ANKRD11: variants seen among roughly 807,000 people sequenced by gnomAD.
ANKRD11 encodes the protein ankyrin repeat domain-containing protein 11.
In ANKRD11, 17 loss-of-function variants were observed where a neutral mutation model predicts 195.7. The observed-to-expected ratio is 0.09, with a 90% CI of 0.06 to 0.13. ANKRD11 has a LOEUF of 0.13. Among genes scored for constraint, ANKRD11 ranks in the 10% least tolerant of loss-of-function variants. The pLI, the probability that ANKRD11 is intolerant of heterozygous loss-of-function variation, is 1.00. For synonymous variants in ANKRD11, 1,953 were observed against 1,528.1 expected (o/e 1.28, Z -6.49); for missense variants, 3,735 against 3,566.1 (o/e 1.05, Z -1.21).
At chr16:89,300,956 G>A (rs373723767) in intron 4 of ANKRD11, 5 of 680,804 alleles carry the variant, frequency 7.3e-6, no homozygotes, top group East Asian at 2.8e-5. Flanking sequence ...GCAGGACCCC[G>A]GCGGTCCTAG....
At chr16:89,352,072 T>C (rs1331891011) in intron 2 of ANKRD11, among the ~76,000 whole-genome samples, 1 of 152,102 alleles carries the variant, frequency 6.6e-6, no homozygotes, top group Non-Finnish European at 1.5e-5. Flanking sequence ...GTAATTTGTG[T>C]AGAGGCGGGG....
At chr16:89,441,914 C>A (rs2043523565) in intron 1 of ANKRD11, among the ~76,000 whole-genome samples, 1 of 152,142 alleles carries the variant, frequency 6.6e-6, no homozygotes, top group Non-Finnish European at 1.5e-5. Context: ...AAGGCACCTT[C>A]CCCCATCATC....
chr16:89,285,977 C>G lies in ANKRD11; in HGVS notation c.892+62G>C. On this transcript the variant is annotated intron_variant, in intron 8 of 12. Transcript: ENST00000301030. The surrounding 1 kb of genome is among the most constrained non-coding windows in gnomAD (Gnocchi z 5.6). ...CAGAGGGGCAACACTGTGCAAACACCACAGGGCAGCTCCTACCATCCCTGC... is the reference window on the plus strand; with the variant it reads ...CAGAGGGGCAACACTGTGCAAACACGACAGGGCAGCTCCTACCATCCCTGC... The G allele has an allele frequency of 6.2e-7, 1 of 1,611,198 alleles. No homozygotes were observed. The highest frequency in any genetic ancestry group is 8.5e-7 in the Non-Finnish European group (1 of 1,178,410).
chr16:89,413,587 T>G (rs970604344), intron 2 of ANKRD11, among the ~76,000 whole-genome samples: 3 of 151,978 alleles, frequency 2.0e-5, no homozygotes, highest in African/African-American at 7.3e-5. Context: ...GTCGCACCAC[T>G]GCACTCCAGC....
intron 1 of ANKRD11, among the ~76,000 whole-genome samples, chr16:89,432,051 T>G (rs1567796904): frequency 6.6e-6 from 1 of 152,128 alleles, no homozygotes; most frequent in African/African-American, 2.4e-5. Context: ...GTCTCAGTAT[T>G]TCTTTACCTA....
intron 1 of ANKRD11, among the ~76,000 whole-genome samples, chr16:89,466,353 G>C (rs769337759): frequency 6.6e-6 from 1 of 152,306 alleles, no homozygotes; most frequent in Admixed American, 6.5e-5. Context: ...GGGGAAGGGG[G>C]ACAAGGACTG....
In ANKRD11 at chr16:89,417,464, C is replaced by T. The variant is rs185274639; in HGVS notation, c.-60+820G>A. Among the ~76,000 whole-genome samples, 92 of 152,282 alleles carry T rather than the reference C, an allele frequency of 6.0e-4. 1 individual carries two copies. Among genetic ancestry groups the T allele is most frequent in the African/African-American group, 2.0e-3 (83 of 41,556 alleles). On this transcript the variant is annotated intron_variant, in intron 2 of 12. Coordinates refer to ENST00000301030, the MANE Select transcript of ANKRD11 (RefSeq NM_013275.6). The stretch of plus-strand genomic sequence containing the variant: ...AAGGAGGGAGGACTCTGCCCTACAG[C>T]GACACGTGCTTGCTCAGAGCCAAGG...
intron 11 of ANKRD11, chr16:89,271,859 C>T (rs1290778287): frequency 1.3e-5 from 2 of 152,030 alleles, no homozygotes; most frequent in Non-Finnish European, 2.9e-5. Context: ...AGCAATACCC[C>T]GAAGCACAGG....
chr16:89,423,295 G>C (rs899785717), intron 1 of ANKRD11, among the ~76,000 whole-genome samples: 1 of 152,250 alleles, frequency 6.6e-6, no homozygotes, highest in Non-Finnish European at 1.5e-5. Context: ...GGGAGCCACT[G>C]ACGATGGGCA....
chr16:89,333,755 C>T (rs2151972507), intron 2 of ANKRD11, among the ~76,000 whole-genome samples: 1 of 152,226 alleles, frequency 6.6e-6, no homozygotes, highest in East Asian at 1.9e-4. Flanking sequence ...TGGCTGCTTC[C>T]AAGTTTTGGC....
rs79785519 is a variant in ANKRD11, at chr16:89,373,741, G to C, written c.-60+44543C>G. Among the ~76,000 whole-genome samples, 521 of 152,298 alleles carry C rather than the reference G, an allele frequency of 3.4e-3. 3 individuals are homozygous for C. Among genetic ancestry groups the C allele is most frequent in the African/African-American group, 0.012 (496 of 41,562 alleles). ...AACCCCACGCGGGAGGCATGCACACGACACCCCTCCCACACCTACCTGGGA... is the reference window on the plus strand; with the variant it reads ...AACCCCACGCGGGAGGCATGCACACCACACCCCTCCCACACCTACCTGGGA... On this transcript the variant is annotated intron_variant, in intron 2 of 12. Transcript: ENST00000301030.
intron 2 of ANKRD11, among the ~76,000 whole-genome samples, chr16:89,341,519 G>C (rs2038658447): frequency 6.6e-6 from 1 of 152,168 alleles, no homozygotes; most frequent in African/African-American, 2.4e-5. Flanking sequence ...CATATGTGCA[G>C]TGACACCAGC....
rs1446392360 is a variant in ANKRD11, at chr16:89,418,305, G to A, written c.-81C>T. On this transcript the variant is annotated 5_prime_UTR_variant, in exon 2 of 13. Transcript: ENST00000301030. ...TTACCGATTCCATAGCTGAAAGTCA[G>A]TGCTGACGAGGACTGTCTTTTAAAT... 2.2e-6 allele frequency: 1 copy of A among 454,074 alleles called. No individual in the cohort carries two copies. The highest frequency in any genetic ancestry group is 4.4e-6 in the Non-Finnish European group (1 of 226,728). 28.1% of individuals were successfully genotyped at this position (454,074 alleles called of 1,614,324 possible).
intron 1 of ANKRD11, among the ~76,000 whole-genome samples, chr16:89,452,130 C>T (rs1273657538): frequency 2.0e-5 from 3 of 152,052 alleles, no homozygotes; most frequent in Admixed American, 6.5e-5. Flanking sequence ...TGGTGGCACA[C>T]GCCTATAATC....
Position 89,440,902 on chromosome 16 carries a change from G to T in ANKRD11, c.-144-22534C>A, listed in dbSNP as rs537502810. On this transcript the variant is annotated intron_variant, in intron 1 of 12. Transcript: ENST00000301030. The stretch of plus-strand genomic sequence containing the variant: ...CCTGGTGTGGCTGGTGTGTGTCACA[G>T]TCAAAACGGAAAGAGAGAGCGCATC... 1.4e-4 allele frequency among the ~76,000 whole-genome samples: 22 copies of T among 152,342 alleles called. No homozygotes were observed. In the South Asian group the frequency reaches 4.6e-3, roughly 32 times the overall value.
At chr16:89,485,859 C>T (rs573329511) in intron 1 of ANKRD11, among the ~76,000 whole-genome samples, 22 of 152,154 alleles carry the variant, frequency 1.4e-4, no homozygotes, top group Non-Finnish European at 2.6e-4. Context: ...TCCGGACAAA[C>T]GAGACACTTA....
intron 12 of ANKRD11, 70 bp from the exon 13 acceptor site, chr16:89,268,733 G>A: frequency 6.6e-7 from 1 of 1,524,812 alleles, no homozygotes. Context: ...GCCGACCTCA[G>A]CTGCCAGCAG....
At chr16:89,373,923 G>C (rs1321101320) in intron 2 of ANKRD11, among the ~76,000 whole-genome samples, 1 of 152,224 alleles carries the variant, frequency 6.6e-6, no homozygotes, top group South Asian at 2.1e-4. Context: ...ACACGGGACA[G>C]GGTCATCAGG....
At chr16:89,444,303 T>A (rs952193974) in intron 1 of ANKRD11, among the ~76,000 whole-genome samples, 1 of 152,154 alleles carries the variant, frequency 6.6e-6, no homozygotes, top group Non-Finnish European at 1.5e-5. Flanking sequence ...AAGCCCACTC[T>A]AGCAATGCTT....
Sources: allele counts gnomAD v4.1 joint callset (sites outside exome capture counted in the v4.1 genomes callset), GRCh38; gene constraint gnomAD v4.1.1; non-coding constraint Gnocchi (gnomAD v3.1); transcripts MANE v1.5; gene names NCBI Gene and HGNC (gene_info 2026-07-23, HGNC 2026-07-21).